AKAP13: variants seen among roughly 807,000 people sequenced by gnomAD.
The protein encoded by AKAP13 is A-kinase anchoring protein 13.
Under a neutral mutation model 264.5 loss-of-function variants are expected in AKAP13, and 80 were observed. The ratio of observed to expected loss-of-function variants is 0.30; its 90% confidence interval spans 0.25 to 0.36. The LOEUF is 0.36. AKAP13 is among the 10% of genes least tolerant of loss of function. The probability of loss-of-function intolerance (pLI) is 1.00; values close to 1 mark genes in which losing one functional copy is unlikely to be tolerated. For synonymous variants in AKAP13, 1,380 were observed against 1,250.2 expected (o/e 1.10, Z -2.19); for missense variants, 3,712 against 3,435.2 (o/e 1.08, Z -2.01).
chr15:85,740,992 A>G lies in AKAP13; in HGVS notation c.7609-54A>G. ...GCTGTGGGGTCGGGAGGGATCCAGA[A>G]GCTCGCTGTCGTCCTGGCCAGAGTT... is the stretch of plus-strand genomic sequence containing the variant. On this transcript the variant is annotated intron_variant, in intron 34 of 36. Transcript: ENST00000394518. 2.6e-6 allele frequency: 4 copies of G among 1,547,750 alleles called. No individual in the cohort carries two copies. The South Asian group carries it at 5.0e-5, about 19-fold the overall frequency.
chr15:85,617,329 C>T (rs573255634), intron 8 of AKAP13, among the ~76,000 whole-genome samples: 3 of 152,286 alleles, frequency 2.0e-5, no homozygotes, highest in African/African-American at 4.8e-5. Context: ...CTGCAACCTC[C>T]GCCTCCGAGG....
At chr15:85,717,505 T>A (rs2087017991) in intron 21 of AKAP13, 103 bp downstream of exon 21, 1 of 786,814 alleles carries the variant, frequency 1.3e-6, no homozygotes, top group South Asian at 1.6e-5. Context: ...CTGCCTCTTC[T>A]GTATCCCGTG....
chr15:85,464,943 C>CT (rs934968798), intron 1 of AKAP13, among the ~76,000 whole-genome samples: 5 of 151,838 alleles, frequency 3.3e-5, no homozygotes, highest in African/African-American at 9.7e-5. Context: ...GCATTAATTA[C>CT]TTTTTTTATT....
intron 2 of AKAP13, among the ~76,000 whole-genome samples, chr15:85,491,396 AG>A (rs2075718586): frequency 6.6e-6 from 1 of 151,610 alleles, no homozygotes; most frequent in African/African-American, 2.4e-5. Context: ...TACCCTTTTG[AG>A]GAAAAAATAG....
At chr15:85,736,013 C>T (rs754244927) in intron 32 of AKAP13, 77 bp from the exon 33 acceptor site, 397 of 1,188,408 alleles carry the variant, frequency 3.3e-4, no homozygotes, top group Non-Finnish European at 2.9e-4. Context: ...AAGCTACAGC[C>T]TAACACAGAA....
intron 1 of AKAP13, among the ~76,000 whole-genome samples, chr15:85,434,107 GGTGCGCGCACC>G (rs1327739281): frequency 2.0e-5 from 3 of 151,372 alleles, no homozygotes; most frequent in African/African-American, 7.3e-5. Context: ...CAGGCCAGTG[GGTGCGCGCACC>G]GTGCGCGAGC....
At chr15:85,657,360 G>C (rs376145) in intron 11 of AKAP13, among the ~76,000 whole-genome samples, 96,116 of 151,966 alleles carry the variant, frequency 0.63, 30,529 homozygotes, top group Middle Eastern at 0.71. Flanking sequence ...GTCCCTGCCT[G>C]CATGGAGCTC....
chr15:85,467,673 A>T (rs1317150144), intron 1 of AKAP13, among the ~76,000 whole-genome samples: 1 of 152,186 alleles, frequency 6.6e-6, no homozygotes, highest in Non-Finnish European at 1.5e-5. Context: ...TCTACTTTGA[A>T]GGAAAAGACT....
chr15:85,497,314 G>T (rs969386514), intron 2 of AKAP13, among the ~76,000 whole-genome samples: 3 of 152,224 alleles, frequency 2.0e-5, no homozygotes, highest in African/African-American at 7.2e-5. Flanking sequence ...AAATTACAGT[G>T]CAAGGAATAC....
chr15:85,649,073 A>C (rs1324295431), intron 10 of AKAP13, among the ~76,000 whole-genome samples: 2 of 152,208 alleles, frequency 1.3e-5, no homozygotes, highest in African/African-American at 2.4e-5. Context: ...GCTGACTTAC[A>C]AAAAGGAGAG....
At position 85,689,020 on chromosome 15, in the gene AKAP13, G is replaced by T. The variant is rs556886648; in HGVS notation, c.5289+4147G>T. ...CTCTTCAAACCATCCTATCACACTG[G>T]TTTTCTTTTTTCTAAACCACAGTTA... On this transcript the variant is annotated intron_variant, in intron 16 of 36. Transcript: ENST00000394518. Among the ~76,000 whole-genome samples the T allele has an allele frequency of 3.9e-5, 6 of 152,290 alleles. No individual in the cohort carries two copies. The South Asian group carries it at 1.2e-3, about 32-fold the overall frequency.
In AKAP13 at chr15:85,742,812, G is replaced by T. The variant is rs72750182; in HGVS notation, c.8059-680G>T. On this transcript the variant is annotated intron_variant, in intron 35 of 36. Transcript: ENST00000394518. ...GATTGATTGATCTTGGACCACGAAA[G>T]AAAATTATACTGACAGCTTCCAGGG... Among the ~76,000 whole-genome samples the T allele has an allele frequency of 1.1e-3, 164 of 152,252 alleles. 1 individual carries two copies. The highest frequency in any genetic ancestry group is 3.8e-3 in the African/African-American group (159 of 41,534).
intron 8 of AKAP13, among the ~76,000 whole-genome samples, chr15:85,637,154 A>G: frequency 6.6e-6 from 1 of 152,188 alleles, no homozygotes; most frequent in East Asian, 1.9e-4. Context: ...GAGTAATGCT[A>G]GGCTCATAAA....
intron 11 of AKAP13, among the ~76,000 whole-genome samples, chr15:85,658,158 G>A (rs1261530797): frequency 6.6e-6 from 1 of 152,156 alleles, no homozygotes; most frequent in Non-Finnish European, 1.5e-5. Flanking sequence ...GAATGAGAGT[G>A]AGGTTTTAAT....
At chr15:85,521,704 G>A (rs2076829548) in intron 3 of AKAP13, 129 bp downstream of exon 3, 4 of 1,079,012 alleles carry the variant, frequency 3.7e-6, no homozygotes, top group African/African-American at 1.6e-5. Context: ...AGTTTATAAA[G>A]CAGTTTGAAT....
At chr15:85,621,305 T>C (rs2081175147) in intron 8 of AKAP13, 1 of 152,212 alleles carries the variant, frequency 6.6e-6, no homozygotes, top group Admixed American at 6.5e-5. Context: ...CCATAATCAC[T>C]GTCAGGTGGT....
intron 10 of AKAP13, 51 bp downstream of exon 10, chr15:85,646,005 A>G (rs111595468): frequency 5.0e-6 from 8 of 1,586,096 alleles, no homozygotes; most frequent in Non-Finnish European, 6.8e-6. Flanking sequence ...TTGTGTTCCT[A>G]TTTGGGCTTC....
intron 2 of AKAP13, among the ~76,000 whole-genome samples, chr15:85,498,952 A>G (rs190347194): frequency 8.5e-4 from 130 of 152,348 alleles, no homozygotes; most frequent in Non-Finnish European, 1.1e-3. Flanking sequence ...ATATAAACCA[A>G]ATGAACAAAG....
chr15:85,389,594 T>C (rs1259186951), intron 1 of AKAP13, among the ~76,000 whole-genome samples: 4 of 152,214 alleles, frequency 2.6e-5, no homozygotes, highest in African/African-American at 4.8e-5. Flanking sequence ...AAAATTTCAT[T>C]ACAGGATTCT....
Sources: allele counts gnomAD v4.1 joint callset (sites outside exome capture counted in the v4.1 genomes callset), GRCh38; gene constraint gnomAD v4.1.1; transcripts MANE v1.5; gene names NCBI Gene and HGNC (gene_info 2026-07-23, HGNC 2026-07-21).